The following BCL7C variants were observed in gnomAD, a reference collection of about 807,000 sequenced individuals.
BCL7C encodes B-cell CLL/lymphoma 7 protein family member C.
In BCL7C, 8 loss-of-function variants were observed where a neutral mutation model predicts 26.2. The observed-to-expected ratio is 0.30, with a 90% confidence interval of 0.18 to 0.55. The LOEUF (loss-of-function observed/expected upper bound fraction) is 0.55, where lower values mean the gene tolerates loss of function less well. Ranked by LOEUF, BCL7C falls within the 20% of genes least tolerant of loss-of-function variation. The pLI is 0.93. For synonymous variants in BCL7C, 90 were observed against 116.5 expected, an observed-to-expected ratio of 0.77 and a Z score of 1.47; for missense variants, 262 against 298.5, an observed-to-expected ratio of 0.88 and a Z score of 0.90.
At chr16:30,883,101 G>C (rs1231959371), downstream of BCL7C, among the ~76,000 whole-genome samples, 6 of 152,298 alleles carry the variant, frequency 3.9e-5, no homozygotes, top group Admixed American at 3.3e-4. Flanking sequence ...CCAGCAGGGA[G>C]AGTGTGCACA....
rs2055030877 is a variant in BCL7C at position 30,880,791 on chromosome 16, T to C, written c.528+8069A>G. 1.3e-5 allele frequency among the ~76,000 whole-genome samples: 2 copies of C among 152,078 alleles called. 1 individual carries two copies. The highest frequency in any genetic ancestry group is 4.1e-4 in the South Asian group (2 of 4,822). On this transcript the variant is annotated intron_variant, in intron 5 of 5. Coordinates refer to the BCL7C transcript ENST00000380317. ...ATAGCTCACTGCAGTGTTGAACTTC[T>C]GGACTCAAGTGATCCTCTCACCTCA...
intron 5 of BCL7C, among the ~76,000 whole-genome samples, chr16:30,869,974 C>G (rs2054868556): frequency 6.6e-6 from 1 of 152,198 alleles, no homozygotes; most frequent in Non-Finnish European, 1.5e-5. Context: ...TAGAGTAGGG[C>G]AGCGGCTAAA....
At position 30,856,377 on chromosome 16, in the gene BCL7C, G is replaced by C. The variant is rs1163146543; in HGVS notation, c.529-21229C>G. Among the ~76,000 whole-genome samples, 7 of 144,952 alleles carry C rather than the reference G, an allele frequency of 4.8e-5. No homozygotes were observed. In the East Asian group the frequency reaches 1.1e-3, roughly 22 times the overall value. On this transcript the variant is annotated intron_variant, in intron 5 of 5. Coordinates refer to the BCL7C transcript ENST00000380317. ...AATCACTTGAACCCAGGAGGCAGAA[G>C]TTGCAGTGAGTCAAGATCACACCAC... is the stretch of plus-strand genomic sequence containing the variant.
intron 5 of BCL7C, among the ~76,000 whole-genome samples, chr16:30,839,722 A>C (rs1256800269): frequency 2.0e-5 from 3 of 152,244 alleles, no homozygotes; most frequent in Non-Finnish European, 4.4e-5. Flanking sequence ...TCTTCAAAGC[A>C]TCTGGATAAG....
chr16:30,885,535 C>A (rs1265370874), downstream of BCL7C, among the ~76,000 whole-genome samples: 4 of 151,926 alleles, frequency 2.6e-5, no homozygotes, highest in East Asian at 7.7e-4. Flanking sequence ...TCCCGAGTAG[C>A]AGGGATTACA....
At chr16:30,851,721 C>G in intron 5 of BCL7C, 1 of 675,348 alleles carries the variant, frequency 1.5e-6, no homozygotes, top group Non-Finnish European at 2.5e-6. Context: ...TGGATCAGAC[C>G]AGCAGCAGAC....
intron 5 of BCL7C, among the ~76,000 whole-genome samples, chr16:30,841,953 C>CAAAAAA (rs1183661130): frequency 3.1e-4 from 7 of 22,232 alleles, no homozygotes; most frequent in Admixed American, 4.5e-4. Flanking sequence ...GACTCCATCT[C>CAAAAAA]AAAAAAAAAA....
chr16:30,834,988 G>C lies in BCL7C; in HGVS notation c.689C>G (p.Pro230Arg). 6.5e-7 allele frequency: 1 copy of C among 1,547,738 alleles called. No homozygotes were observed. ...CTGGGGGATTGTTCTGGGTGCCCTC[G>C]GGGCCTTGCTGCCTCCCCCGGGAGC... The change falls in exon 6 of 6, where the codon CCG becomes CGG. Residue 230 changes from proline (P) to arginine (R), a missense_variant. Physicochemically the swap from Pro to Arg is moderately radical, Grantham distance 103 (BLOSUM62 -2). Transcript: ENST00000380317. This position sits in a 1 kb window ranked among gnomAD's most constrained non-coding sequence, Gnocchi z 4.3.
chr16:30,871,585 A>G (rs1164134300), intron 5 of BCL7C, among the ~76,000 whole-genome samples: 2 of 151,806 alleles, frequency 1.3e-5, no homozygotes, highest in East Asian at 1.9e-4. Context: ...CCCGGGTTCC[A>G]GTGATTCTCC....
chr16:30,872,871 T>C (rs2054893561), intron 5 of BCL7C, among the ~76,000 whole-genome samples: 1 of 152,208 alleles, frequency 6.6e-6, no homozygotes, highest in Admixed American at 6.5e-5. Flanking sequence ...TGCACTTCTT[T>C]ACAGGAGTTG....
chr16:30,882,814 G>T (rs1200386155), downstream of BCL7C, among the ~76,000 whole-genome samples: 1 of 152,230 alleles, frequency 6.6e-6, no homozygotes, highest in East Asian at 1.9e-4. Flanking sequence ...ACCTAGTAAA[G>T]CAGTGTTGCC....
chr16:30,864,199 A>T (rs913879772), intron 5 of BCL7C, among the ~76,000 whole-genome samples: 1 of 152,152 alleles, frequency 6.6e-6, no homozygotes, highest in African/African-American at 2.4e-5. Context: ...TTTTTCCTAA[A>T]TCAATCTGGC....
intron 5 of BCL7C, among the ~76,000 whole-genome samples, chr16:30,864,453 C>T (rs1246590936): frequency 3.3e-5 from 5 of 152,070 alleles, no homozygotes; most frequent in Admixed American, 1.3e-4. Flanking sequence ...ACAAATGCTC[C>T]TTCTAACAAC....
At chr16:30,835,242 G>A in intron 5 of BCL7C, 1 of 1,177,650 alleles carries the variant, frequency 8.5e-7, no homozygotes, top group African/African-American at 1.6e-5. Context: ...CTTCCAAATG[G>A]CGCAAGTTGG....
intron 5 of BCL7C, among the ~76,000 whole-genome samples, chr16:30,871,144 T>G (rs2054879077): frequency 6.6e-6 from 1 of 152,158 alleles, no homozygotes; most frequent in Non-Finnish European, 1.5e-5. Flanking sequence ...GTGCTCCGAC[T>G]CTGGATCTCT....
At chr16:30,878,571 G>A (rs1044957714) in intron 5 of BCL7C, among the ~76,000 whole-genome samples, 6 of 151,618 alleles carry the variant, frequency 4.0e-5, no homozygotes, top group South Asian at 4.2e-4. Flanking sequence ...GTGGCTGGGC[G>A]TGGTGGCTCA....
chr16:30,888,214 G>A lies in BCL7C; in HGVS notation c.529-224C>T, dbSNP rs530393258. ...TATTTGATATTTCTGAAAATGCCTC[G>A]AGGTAGCCTCGTGAGAAATGTCAGA... is the stretch of plus-strand genomic sequence containing the variant. On this transcript the variant is annotated intron_variant, in intron 5 of 5. Coordinates refer to ENST00000215115, the MANE Select transcript of BCL7C (RefSeq NM_004765.4). Among the ~76,000 whole-genome samples the A allele has an allele frequency of 4.6e-5, 7 of 152,328 alleles. No homozygotes were observed. The South Asian group carries it at 8.3e-4, about 18-fold the overall frequency.
chr16:30,893,383 A>C lies in BCL7C; in HGVS notation c.93-93T>G. 1.1e-6 allele frequency: 1 copy of C among 885,864 alleles called. No homozygotes were observed. The highest frequency in any genetic ancestry group is 1.7e-6 in the Non-Finnish European group (1 of 572,664). The allele number at this position is 885,864 out of a possible 1,614,324, so 54.9% of individuals were successfully genotyped here. A position where few individuals can be genotyped will look rare whatever the true frequency, so the allele number is the denominator to read the frequency against. ...CATCTGGGGGTACCTGCAGAGGTTG[A>C]GGAGGCACAGGAGGATAGCAACAGT... On this transcript the variant is annotated intron_variant, in intron 1 of 5. Transcript: ENST00000215115. This position sits in a 1 kb window ranked among gnomAD's most constrained non-coding sequence, Gnocchi z 5.2.
Position 30,893,913 on chromosome 16 carries a change from C to G in BCL7C, c.32G>C (p.Arg11Pro). 1 of 1,599,226 alleles carries G rather than the reference C, an allele frequency of 6.3e-7. No individual in the cohort carries two copies. Among genetic ancestry groups the G allele is most frequent in the Admixed American group, 1.7e-5 (1 of 59,912 alleles). The change falls in exon 1 of 6, where the codon CGG becomes CCG. Residue 11 changes from arginine to proline, a missense_variant. Coordinates refer to ENST00000215115, the MANE Select transcript of BCL7C (RefSeq NM_004765.4). The surrounding 1 kb of genome is among the most constrained non-coding windows in gnomAD (Gnocchi z 5.2). ...CTTGATGTCATCCTTGGCCCGGCTCCGGGTCTCGGCCCGTACAGTCCGGCC... is the reference window on the plus strand; with the variant it reads ...CTTGATGTCATCCTTGGCCCGGCTCGGGGTCTCGGCCCGTACAGTCCGGCC... The part of the protein sequence containing the change: MAGRTVRAET[R>P]SRAKDDIKKV...
Sources: gnomAD v4.1 joint callset for allele counts (sites outside exome capture counted in the v4.1 genomes callset) on GRCh38, gnomAD v4.1.1 for gene constraint, Gnocchi (gnomAD v3.1) non-coding constraint, MANE v1.5 for transcripts, NCBI Gene and HGNC (gene_info 2026-07-23, HGNC 2026-07-21) for gene names.